ARMC6: variants seen among roughly 807,000 people sequenced by gnomAD.
ARMC6 encodes the protein armadillo repeat containing 6, also known as armadillo repeat-containing protein 6.
Under a neutral mutation model 49.2 loss-of-function variants are expected in ARMC6, and 43 were observed. The ratio of observed to expected loss-of-function variants is 0.87; its 90% confidence interval spans 0.69 to 1.13. The LOEUF (loss-of-function observed/expected upper bound fraction) is 1.13, where lower values mean the gene tolerates loss of function less well. Among genes scored for constraint, ARMC6 ranks in the 50% most tolerant of loss-of-function variants. ARMC6 has a pLI of 0.00. For missense variants in ARMC6, 627 were observed against 682.0 expected, an observed-to-expected ratio of 0.92 and a Z score of 0.90; for synonymous variants, 262 against 289.6, an observed-to-expected ratio of 0.90 and a Z score of 0.97.
At chr19:19,044,613 G>T (rs917312154) in intron 4 of ARMC6, among the ~76,000 whole-genome samples, 2 of 152,256 alleles carry the variant, frequency 1.3e-5, no homozygotes, top group Non-Finnish European at 2.9e-5. Context: ...CTTTCCGTAA[G>T]GTCGCCCATC....
Position 19,044,665 on chromosome 19 carries a change from G to T in ARMC6, c.279+591G>T, listed in dbSNP as rs533907770. 2.0e-5 allele frequency among the ~76,000 whole-genome samples: 3 copies of T among 152,360 alleles called. No homozygotes were observed. In the South Asian group the frequency reaches 6.2e-4, roughly 32 times the overall value. On this transcript the variant is annotated intron_variant, in intron 4 of 8. Transcript: ENST00000535612. The stretch of plus-strand genomic sequence containing the variant: ...CAGAAGGCTCCGGTGTTTGAGAACC[G>T]ACTGTGGGCCTGGTTCTGTGCAGGT...
chr19:19,056,317 A>G (rs1024163980), intron 8 of ARMC6, among the ~76,000 whole-genome samples: 10 of 144,012 alleles, frequency 6.9e-5, no homozygotes, highest in Non-Finnish European at 1.2e-4. Context: ...GCTGGAGTGC[A>G]GTGGCGCCAT....
intron 6 of ARMC6, among the ~76,000 whole-genome samples, chr19:19,054,530 TG>T (rs2059527496): frequency 6.6e-6 from 1 of 152,058 alleles, no homozygotes; most frequent in African/African-American, 2.4e-5. Flanking sequence ...AGGAAAAGGA[TG>T]GTAGGAAGCA....
chr19:19,055,484 T>G lies in ARMC6; in HGVS notation c.1155+88T>G. The G allele has an allele frequency of 6.7e-7, 1 of 1,498,042 alleles. No individual in the cohort carries two copies. The highest frequency in any genetic ancestry group is 2.3e-5 in the Admixed American group (1 of 44,104). 92.8% of individuals were successfully genotyped at this position (1,498,042 alleles called of 1,614,324 possible). A position where few individuals can be genotyped will look rare whatever the true frequency, so the allele number is the denominator to read the frequency against. ...GTATCTGCATGAAGCTCTATTCCCC[T>G]GCAGGGCCAGGGCAGGGCTGGTGAG... On this transcript the variant is annotated intron_variant, in intron 7 of 8. Transcript: ENST00000535612. This position sits in a 1 kb window ranked among gnomAD's most constrained non-coding sequence, Gnocchi z 5.7.
chr19:19,052,309 C>T lies in ARMC6; in HGVS notation c.853+114C>T, dbSNP rs1599647387. Reference sequence around the variant, plus strand: ...GGCACGGCAGGCTCAAGGCTCCACTCGCCCCTCGGCTTAGACCTGCCTGCA... The same window carrying T: ...GGCACGGCAGGCTCAAGGCTCCACTTGCCCCTCGGCTTAGACCTGCCTGCA... On this transcript the variant is annotated intron_variant, in intron 5 of 8. Coordinates refer to ENST00000535612, the MANE Select transcript of ARMC6 (RefSeq NM_001199196.2). The T allele has an allele frequency of 7.0e-6, 7 of 1,002,802 alleles. No individual in the cohort carries two copies. The East Asian group carries it at 1.6e-4, about 23-fold the overall frequency. The allele number at this position is 1,002,802 out of a possible 1,614,324, so 62.1% of individuals were successfully genotyped here.
intron 1 of ARMC6, 89 bp from the exon 2 acceptor site, chr19:19,034,038 AAATG>A: frequency 1.7e-6 from 1 of 595,666 alleles, no homozygotes; most frequent in Non-Finnish European, 3.0e-6. Context: ...GGGAAAAAAA[AAATG>A]AAAGAATTTT....
intron 2 of ARMC6, among the ~76,000 whole-genome samples, chr19:19,042,405 GTAGTGTGATCA>G: frequency 6.6e-6 from 1 of 151,652 alleles, no homozygotes; most frequent in Non-Finnish European, 1.5e-5. Context: ...CTGGAGTGTA[GTAGTGTGATCA>G]TGGCTCACTG....
At chr19:19,056,084 C>T in intron 8 of ARMC6, 156 bp downstream of exon 8, 1 of 770,356 alleles carries the variant, frequency 1.3e-6, no homozygotes, top group East Asian at 3.1e-5. Context: ...ACAGCCGAGC[C>T]CCATAGGGCC....
At position 19,051,718 on chromosome 19, in the gene ARMC6, G is replaced by C; in HGVS notation, c.376G>C (p.Ala126Pro). ...CTGCGACCAGTGCAAACAGGACAAG[G>C]CCTGCCGCTTCCTCGCGGCCCAGAA... ...RFCDQCKQDK[A>P]CRFLAAQKGA... Residue 126 changes from alanine (A) to proline (P), a missense_variant, in exon 5 of 9, where the codon GCC becomes CCC. By Grantham distance (27) the Ala-to-Pro change is conservative (BLOSUM62 -1). Coordinates refer to ENST00000535612, the MANE Select transcript of ARMC6 (RefSeq NM_001199196.2). 3.1e-6 allele frequency: 5 copies of C among 1,613,980 alleles called. No individual in the cohort carries two copies. The highest frequency in any genetic ancestry group is 4.2e-6 in the Non-Finnish European group (5 of 1,180,048).
chr19:19,054,254 T>C lies in ARMC6; in HGVS notation c.956T>C (p.Leu319Pro). 6.2e-7 allele frequency: 1 copy of C among 1,611,886 alleles called. No individual in the cohort carries two copies. The highest frequency in any genetic ancestry group is 2.2e-5 in the East Asian group (1 of 44,660). The part of the protein sequence containing the change: ...FCQEVVDLGG[L>P]SILVSLLADC... Reference sequence around the variant, plus strand: ...CAGGAGGTCGTCGACCTCGGGGGCCTGAGCATTCTGGTGTCCCTGCTAGCC... The same window carrying C: ...CAGGAGGTCGTCGACCTCGGGGGCCCGAGCATTCTGGTGTCCCTGCTAGCC... Residue 319 changes from leucine (L) to proline (P), a missense_variant, in exon 6 of 9, where the codon CTG (leucine) becomes CCG (proline). Leu to Pro is a moderately conservative substitution (Grantham distance 98, BLOSUM62 -3). Coordinates refer to ENST00000535612, the MANE Select transcript of ARMC6 (RefSeq NM_001199196.2).
intron 3 of ARMC6, 108 bp from the exon 4 acceptor site, chr19:19,043,884 G>A (rs1418737488): frequency 4.2e-6 from 4 of 956,830 alleles, no homozygotes; most frequent in South Asian, 2.7e-5. Flanking sequence ...CTGGAGTGGG[G>A]TGGTCCCAGC....
chr19:19,054,147 T>C lies in ARMC6; in HGVS notation c.854-5T>C, dbSNP rs200717495. 1.2e-4 allele frequency: 184 copies of C among 1,556,296 alleles called. 3 individuals are homozygous for C. In the South Asian group the frequency reaches 1.7e-3, roughly 14 times the overall value. On this transcript the variant is annotated splice_region_variant and splice_polypyrimidine_tract_variant and intron_variant, in intron 5 of 8. Transcript: ENST00000535612. Reference sequence around the variant, plus strand: ...CCCCACCACCGTCTCCCTTTCTCCCTGCAGCGTTCCTGGATAACCCTGGCA... The same window carrying C: ...CCCCACCACCGTCTCCCTTTCTCCCCGCAGCGTTCCTGGATAACCCTGGCA...
At chr19:19,043,843 G>T (rs1360491049) in intron 3 of ARMC6, 149 bp from the exon 4 acceptor site, 1 of 668,700 alleles carries the variant, frequency 1.5e-6, no homozygotes. Context: ...TGATGATGTG[G>T]CATGGGCGGG....
In ARMC6 at chr19:19,034,143, G is replaced by C. The variant is rs2059312814; in HGVS notation, c.-67G>C. ...TTTATTCATTCAGCACCTGTGCACTGAGTGCCTGCTGCGTGTCGGGCCCCG... is the reference window on the plus strand; with the variant it reads ...TTTATTCATTCAGCACCTGTGCACTCAGTGCCTGCTGCGTGTCGGGCCCCG... On this transcript the variant is annotated 5_prime_UTR_variant, in exon 2 of 9. Transcript: ENST00000535612. The C allele has an allele frequency of 3.7e-6, 4 of 1,087,946 alleles. No individual in the cohort carries two copies. Among genetic ancestry groups the C allele is most frequent in the Non-Finnish European group, 4.1e-6 (3 of 724,272 alleles). 67.4% of individuals were successfully genotyped at this position (1,087,946 alleles called of 1,614,324 possible). A position where few individuals can be genotyped will look rare whatever the true frequency, so the allele number is the denominator to read the frequency against.
In ARMC6 at chr19:19,051,941, G is replaced by T. The variant is rs147923845; in HGVS notation, c.599G>T (p.Arg200Leu). Residue 200 changes from arginine (R) to leucine (L), a missense_variant, in exon 5 of 9, where the codon CGC (arginine) becomes CTC (leucine). Coordinates refer to ENST00000535612, the MANE Select transcript of ARMC6 (RefSeq NM_001199196.2). Reference protein sequence around the residue: ...DEADLTCSGIRCVRHACLKHE... With the variant: ...DEADLTCSGILCVRHACLKHE... ...GCTGACCTGACCTGCTCTGGGATCC[G>T]CTGTGTGCGTCACGCTTGCCTGAAA... The T allele has an allele frequency of 1.2e-6, 2 of 1,613,992 alleles. No homozygotes were observed. Among genetic ancestry groups the T allele is most frequent in the Non-Finnish European group, 8.5e-7 (1 of 1,180,042 alleles).
At chr19:19,054,762 G>A (rs1265796643) in intron 6 of ARMC6, among the ~76,000 whole-genome samples, 3 of 152,172 alleles carry the variant, frequency 2.0e-5, no homozygotes, top group Non-Finnish European at 4.4e-5. Flanking sequence ...GGGGTGCCAC[G>A]GTCCTGCGCC....
At chr19:19,037,247 C>T (rs1040705903) in intron 2 of ARMC6, among the ~76,000 whole-genome samples, 4 of 151,906 alleles carry the variant, frequency 2.6e-5, no homozygotes, top group East Asian at 3.9e-4. Flanking sequence ...AGGCTGGCTG[C>T]GAGCCAGTCC....
chr19:19,057,586 C>T lies in ARMC6; in HGVS notation c.1464C>T (p.Leu488=). The T allele has an allele frequency of 2.5e-6, 4 of 1,613,514 alleles. No individual in the cohort carries two copies. The highest frequency in any genetic ancestry group is 3.4e-6 in the Non-Finnish European group (4 of 1,180,000). ...ALRDLGCHVE[L]RELWTGQRGN... ...GGGACCTGGGTTGTCATGTCGAGCT[C>T]CGAGAGCTGTGGACAGGCCAGAGGG... Residue 488 remains leucine (L), a synonymous_variant, in exon 9 of 9, where the codon CTC becomes CTT. Coordinates refer to ENST00000535612, the MANE Select transcript of ARMC6 (RefSeq NM_001199196.2).
intron 3 of ARMC6, 142 bp from the exon 4 acceptor site, chr19:19,043,850 C>A (rs772039051): frequency 4.3e-6 from 3 of 690,616 alleles, no homozygotes; most frequent in South Asian, 1.6e-5. Flanking sequence ...GTGGCATGGG[C>A]GGGAATAGGG....
Sources: gnomAD v4.1 joint callset for allele counts (sites outside exome capture counted in the v4.1 genomes callset) on GRCh38, gnomAD v4.1.1 for gene constraint, Gnocchi (gnomAD v3.1) non-coding constraint, MANE v1.5 for transcripts, NCBI Gene and HGNC (gene_info 2026-07-23, HGNC 2026-07-21) for gene names.